The following NR5A2 variants were observed in gnomAD, a reference collection of about 807,000 sequenced individuals.
NR5A2 encodes nuclear receptor subfamily 5 group A member 2.
NR5A2 carries 26 observed loss-of-function variants against 62.7 expected under a neutral mutation model. The ratio of observed to expected loss-of-function variants is 0.41; its 90% CI spans 0.30 to 0.58. NR5A2 has a LOEUF of 0.58. Among genes scored for constraint, NR5A2 ranks in the 20% least tolerant of loss-of-function variants. The pLI, the probability that NR5A2 is intolerant of heterozygous loss-of-function variation, is 0.22. For synonymous variants in NR5A2, 246 were observed against 241.7 expected, an observed-to-expected ratio of 1.02 and a Z score of -0.16; for missense variants, 541 against 669.1, an observed-to-expected ratio of 0.81 and a Z score of 2.11.
chr1:200,121,026 T>C, intron 7 of NR5A2, 71 bp downstream of exon 7: 4 of 1,542,908 alleles, frequency 2.6e-6, no homozygotes, highest in Non-Finnish European at 3.6e-6. Context: ...AAATATCTTG[T>C]GGTCCATGTA....
intron 7 of NR5A2, among the ~76,000 whole-genome samples, chr1:200,125,613 G>C (rs1022733965): frequency 3.9e-5 from 6 of 152,162 alleles, no homozygotes; most frequent in Non-Finnish European, 7.3e-5. Context: ...AGAGTTGCTT[G>C]TTTCATCCAC....
intron 5 of NR5A2, among the ~76,000 whole-genome samples, chr1:200,075,442 C>A (rs542802263): frequency 1.3e-5 from 2 of 152,100 alleles, no homozygotes; most frequent in Non-Finnish European, 2.9e-5. Flanking sequence ...TAAAACTAAG[C>A]GCCAAAAAAG....
intron 7 of NR5A2, among the ~76,000 whole-genome samples, chr1:200,140,757 G>T (rs139313853): frequency 6.6e-6 from 1 of 152,178 alleles, no homozygotes; most frequent in East Asian, 1.9e-4. Flanking sequence ...AAGGCAGGGC[G>T]CAGTGGCTAA....
intron 6 of NR5A2, among the ~76,000 whole-genome samples, chr1:200,115,993 C>T (rs1309594864): frequency 6.6e-6 from 1 of 151,822 alleles, no homozygotes; most frequent in Non-Finnish European, 1.5e-5. Flanking sequence ...ACAATTCACT[C>T]ATTATAGATT....
At chr1:200,111,114 T>C (rs1665920163) in intron 5 of NR5A2, 88 bp from the exon 6 acceptor site, 5 of 1,469,506 alleles carry the variant, frequency 3.4e-6, no homozygotes, top group Middle Eastern at 2.0e-4. Flanking sequence ...AGTCCTCTTA[T>C]GTTGAAAATT....
At chr1:200,173,067 T>C (rs1654254582) in intron 7 of NR5A2, among the ~76,000 whole-genome samples, 1 of 152,190 alleles carries the variant, frequency 6.6e-6, no homozygotes, top group African/African-American at 2.4e-5. Flanking sequence ...TTGCCTATTG[T>C]CTGTGTGTGT....
chr1:200,111,811 G>C (rs183895384), intron 6 of NR5A2, among the ~76,000 whole-genome samples: 26 of 152,044 alleles, frequency 1.7e-4, no homozygotes, highest in Non-Finnish European at 3.2e-4. Context: ...TCAAGATCCA[G>C]TCATTCAAAT....
At chr1:200,131,503 A>AT (rs1273095054) in intron 7 of NR5A2, among the ~76,000 whole-genome samples, 3 of 152,204 alleles carry the variant, frequency 2.0e-5, no homozygotes, top group Non-Finnish European at 4.4e-5. Context: ...TAGTGAGATG[A>AT]TTTTTCAGAG....
At chr1:200,153,078 C>T (rs3790793) in intron 7 of NR5A2, among the ~76,000 whole-genome samples, 57,354 of 152,126 alleles carry the variant, frequency 0.38, 13,091 homozygotes, top group African/African-American at 0.65. Flanking sequence ...CTTAATTACA[C>T]TCTTGCTTTC....
chr1:200,067,205 AT>A (rs1663523036), intron 5 of NR5A2, among the ~76,000 whole-genome samples: 1 of 151,966 alleles, frequency 6.6e-6, no homozygotes, highest in South Asian at 2.1e-4. Context: ...GCTGGAGGCC[AT>A]TATCCTTAGC....
rs183067524 is a variant in NR5A2, at chr1:200,142,762, C to T, written c.1378+21807C>T. On this transcript the variant is annotated intron_variant, in intron 7 of 7. Coordinates refer to ENST00000367362, the MANE Select transcript of NR5A2 (RefSeq NM_205860.3). ...AAATTTGGCTTCTATTGTTTCATTA[C>T]GTATCTTTTAAATTTTTTCATTTTT... Among the ~76,000 whole-genome samples, 21 of 152,118 alleles carry T rather than the reference C, an allele frequency of 1.4e-4. No homozygotes were observed. In the East Asian group the frequency reaches 2.9e-3, roughly 21 times the overall value.
chr1:200,148,782 T>C (rs977794675), intron 7 of NR5A2, among the ~76,000 whole-genome samples: 6 of 152,158 alleles, frequency 3.9e-5, no homozygotes, highest in African/African-American at 1.2e-4. Context: ...GATTTAAAAA[T>C]TGAACTCCAG....
chr1:200,044,816 T>A (rs1476701014), intron 3 of NR5A2, among the ~76,000 whole-genome samples: 2 of 152,152 alleles, frequency 1.3e-5, no homozygotes, highest in Admixed American at 1.3e-4. Context: ...TCATACCCTG[T>A]GTGCTACAAT....
intron 7 of NR5A2, among the ~76,000 whole-genome samples, chr1:200,138,558 A>T (rs539322971): frequency 6.6e-6 from 1 of 152,230 alleles, no homozygotes; most frequent in East Asian, 1.9e-4. Context: ...TGCTTTTCTT[A>T]ATATGAATCT....
intron 2 of NR5A2, among the ~76,000 whole-genome samples, chr1:200,040,625 T>C (rs1662019315): frequency 6.6e-6 from 1 of 152,230 alleles, no homozygotes; most frequent in Non-Finnish European, 1.5e-5. Context: ...GGAACAATGC[T>C]AGGAAAAGTC....
intron 5 of NR5A2, among the ~76,000 whole-genome samples, chr1:200,086,596 C>T (rs1258981586): frequency 6.6e-6 from 1 of 152,196 alleles, no homozygotes; most frequent in African/African-American, 2.4e-5. Flanking sequence ...AGCCATTGCG[C>T]CGGCCTGACT....
chr1:200,111,096 TTATATG>T, intron 5 of NR5A2, 100 bp from the exon 6 acceptor site: 1 of 1,302,352 alleles, frequency 7.7e-7, no homozygotes, highest in South Asian at 1.5e-5. Context: ...ACTTTCTTGT[TTATATG>T]TAGTCCTCTT....
At position 200,147,976 on chromosome 1, in the gene NR5A2, C is replaced by T. The variant is rs936503438; in HGVS notation, c.1379-25987C>T. The T allele has an allele frequency of 1.9e-5, 6 of 316,816 alleles. No individual in the cohort carries two copies. The highest frequency in any genetic ancestry group is 1.3e-4 in the African/African-American group (6 of 45,164). The allele number at this position is 316,816 out of a possible 1,614,324, so 19.6% of individuals were successfully genotyped here. ...CTGTGGTAGGCGATGCATCGGGCGG[C>T]CGCCTTGACCTCCTCCCGCGAGCCG... On this transcript the variant is annotated intron_variant, in intron 7 of 7. Coordinates refer to ENST00000367362, the MANE Select transcript of NR5A2 (RefSeq NM_205860.3). This position sits in a 1 kb window ranked among gnomAD's most constrained non-coding sequence, Gnocchi z 4.9.
At chr1:200,158,189 T>C (rs1300432566) in intron 7 of NR5A2, among the ~76,000 whole-genome samples, 1 of 152,210 alleles carries the variant, frequency 6.6e-6, no homozygotes, top group African/African-American at 2.4e-5. Context: ...TTAATTAAAG[T>C]AACATGTTAA....
Sources: gnomAD v4.1 joint callset for allele counts (sites outside exome capture counted in the v4.1 genomes callset) on GRCh38, gnomAD v4.1.1 for gene constraint, Gnocchi (gnomAD v3.1) non-coding constraint, MANE v1.5 for transcripts, NCBI Gene and HGNC (gene_info 2026-07-23, HGNC 2026-07-21) for gene names.